The following FGF1 variants were observed in gnomAD, a reference collection of about 807,000 sequenced individuals.
The protein encoded by FGF1 is beta-endothelial cell growth factor.
A neutral mutation model predicts 13.4 loss-of-function variants in FGF1; 9 were observed. That is an observed-to-expected ratio of 0.67 (90% CI 0.40 to 1.17). The LOEUF (loss-of-function observed/expected upper bound fraction) is 1.17. Ranked by LOEUF, FGF1 falls within the 50% of genes most tolerant of loss-of-function variation. The pLI is 0.01. For synonymous variants in FGF1, 93 were observed against 79.0 expected (o/e 1.18, Z -0.94); for missense variants, 156 against 192.7 (o/e 0.81, Z 1.13).
At chr5:142,626,574 C>T (rs1443490594) in intron 1 of FGF1, among the ~76,000 whole-genome samples, 2 of 152,174 alleles carry the variant, frequency 1.3e-5, no homozygotes, top group African/African-American at 4.8e-5. Flanking sequence ...ACTCTACCAG[C>T]CCCCGGAACG....
chr5:142,674,647 A>G (rs1485420169), intron 1 of FGF1, among the ~76,000 whole-genome samples: 1 of 152,114 alleles, frequency 6.6e-6, no homozygotes, highest in African/African-American at 2.4e-5. Context: ...CCGGAAAAAC[A>G]CTGACTTTGG....
chr5:142,661,429 C>T (rs796407300), intron 1 of FGF1, among the ~76,000 whole-genome samples: 4 of 152,292 alleles, frequency 2.6e-5, no homozygotes, highest in African/African-American at 9.6e-5. Flanking sequence ...GGAAAACAGT[C>T]CCTCAAGTAA....
At chr5:142,652,616 A>G (rs1017576983) in intron 1 of FGF1, among the ~76,000 whole-genome samples, 1 of 152,032 alleles carries the variant, frequency 6.6e-6, no homozygotes, top group Admixed American at 6.6e-5. Context: ...TTCTCCCCAC[A>G]TTGCCTGTGC....
chr5:142,650,638 A>G (rs1016214310), intron 1 of FGF1, among the ~76,000 whole-genome samples: 3 of 152,038 alleles, frequency 2.0e-5, no homozygotes, highest in African/African-American at 4.8e-5. Flanking sequence ...CTTTATAATC[A>G]ATGCATATAC....
chr5:142,609,967 G>A (rs557402193), intron 2 of FGF1, among the ~76,000 whole-genome samples: 1 of 152,324 alleles, frequency 6.6e-6, no homozygotes, highest in Admixed American at 6.5e-5. Context: ...TATTGAATCA[G>A]TTTGTGGGGC....
chr5:142,682,790 C>G (rs1338015110), intron 1 of FGF1, among the ~76,000 whole-genome samples: 1 of 152,196 alleles, frequency 6.6e-6, no homozygotes, highest in Non-Finnish European at 1.5e-5. Flanking sequence ...GGGTTTAAAC[C>G]ATGGTGTATT....
chr5:142,648,398 A>G (rs988206682), intron 1 of FGF1, among the ~76,000 whole-genome samples: 5 of 152,060 alleles, frequency 3.3e-5, no homozygotes, highest in African/African-American at 1.2e-4. Flanking sequence ...TCAGCAAACT[A>G]GCACAAGAAC....
intron 1 of FGF1, among the ~76,000 whole-genome samples, chr5:142,645,122 C>T (rs1435127439): frequency 1.3e-5 from 2 of 152,290 alleles, no homozygotes; most frequent in African/African-American, 4.8e-5. Flanking sequence ...CAGTCATCTC[C>T]TGAAGCTCCC....
At chr5:142,605,761 ATCCT>A (rs1757519961) in intron 2 of FGF1, among the ~76,000 whole-genome samples, 1 of 152,180 alleles carries the variant, frequency 6.6e-6, no homozygotes, top group Non-Finnish European at 1.5e-5. Context: ...CTAAACATAT[ATCCT>A]TCTGCAAGTA....
At chr5:142,674,686 T>C (rs1161819194) in intron 1 of FGF1, among the ~76,000 whole-genome samples, 1 of 152,120 alleles carries the variant, frequency 6.6e-6, no homozygotes, top group Admixed American at 6.5e-5. Context: ...AATGCACGAC[T>C]CCCGATTAGT....
intron 2 of FGF1, among the ~76,000 whole-genome samples, chr5:142,612,090 A>T (rs1257921125): frequency 6.6e-6 from 1 of 152,184 alleles, no homozygotes; most frequent in African/African-American, 2.4e-5. Flanking sequence ...GCCCAAGTTC[A>T]CTTGGAAAAT....
At chr5:142,634,443 T>C (rs1481061348) in intron 1 of FGF1, among the ~76,000 whole-genome samples, 3 of 152,346 alleles carry the variant, frequency 2.0e-5, no homozygotes, top group South Asian at 2.1e-4. Context: ...CACTTAGCAT[T>C]CCAAACGGTA....
intron 1 of FGF1, among the ~76,000 whole-genome samples, chr5:142,667,408 A>C (rs1346092438): frequency 6.6e-6 from 1 of 151,642 alleles, no homozygotes; most frequent in Non-Finnish European, 1.5e-5. Context: ...AACTCGGTGA[A>C]ACCCCGTCTC....
At chr5:142,616,547 T>A (rs1760284922) in intron 1 of FGF1, among the ~76,000 whole-genome samples, 1 of 152,218 alleles carries the variant, frequency 6.6e-6, no homozygotes, top group Non-Finnish European at 1.5e-5. Flanking sequence ...CCTTGCATAG[T>A]ACAATCTCTC....
intron 1 of FGF1, among the ~76,000 whole-genome samples, chr5:142,622,070 G>A (rs985364823): frequency 6.6e-5 from 10 of 152,156 alleles, no homozygotes; most frequent in African/African-American, 2.4e-4. Context: ...TTTCATGACT[G>A]GACTGTCAGC....
intron 1 of FGF1, among the ~76,000 whole-genome samples, chr5:142,633,355 TTTTACAGGCTTGAGTTCCA>T: frequency 6.6e-6 from 1 of 152,348 alleles, no homozygotes; most frequent in African/African-American, 2.4e-5. Context: ...TGTGTGTACC[TTTTACAGGCTTGAGTTCCA>T]TTTTTATTCC....
At chr5:142,685,245 GA>G (rs1324805375) in intron 1 of FGF1, among the ~76,000 whole-genome samples, 2 of 152,184 alleles carry the variant, frequency 1.3e-5, no homozygotes, top group African/African-American at 4.8e-5. Context: ...CTGAAACGAG[GA>G]TGTGATATTC....
chr5:142,669,054 T>G (rs1462509385), intron 1 of FGF1, among the ~76,000 whole-genome samples: 2 of 152,266 alleles, frequency 1.3e-5, no homozygotes, highest in African/African-American at 4.8e-5. Context: ...TCGCCCAGCA[T>G]GCATGGCTGA....
At chr5:142,622,505 C>T (rs774459719) in intron 1 of FGF1, among the ~76,000 whole-genome samples, 1 of 152,140 alleles carries the variant, frequency 6.6e-6, no homozygotes, top group Admixed American at 6.5e-5. Context: ...AGGCTCAAAC[C>T]CTGTCCTCAT....
Sources: allele counts gnomAD v4.1 joint callset (sites outside exome capture counted in the v4.1 genomes callset), GRCh38; gene constraint gnomAD v4.1.1; transcripts MANE v1.5; gene names NCBI Gene and HGNC (gene_info 2026-07-23, HGNC 2026-07-21).